The following PLBD2 variants were observed in gnomAD, a reference collection of about 807,000 sequenced individuals.
The protein encoded by PLBD2 is putative aminopeptidase PLBD2.
Under a neutral mutation model 68.3 loss-of-function variants are expected in PLBD2, and 51 were observed. That is an observed-to-expected ratio of 0.75 (90% confidence interval 0.60 to 0.94). The LOEUF (loss-of-function observed/expected upper bound fraction) is 0.94, where lower values mean the gene tolerates loss of function less well. Among genes scored for constraint, PLBD2 ranks in the 40% least tolerant of loss-of-function variants. The probability of loss-of-function intolerance (pLI) is 0.00; values close to 1 mark genes in which losing one functional copy is unlikely to be tolerated. For missense variants in PLBD2, 729 were observed against 792.2 expected (o/e 0.92, Z 0.96); for synonymous variants, 314 against 339.3 (o/e 0.93, Z 0.82).
intron 6 of PLBD2, among the ~76,000 whole-genome samples, 176 bp downstream of exon 6, chr12:113,381,018 C>G (rs1240249236): frequency 6.6e-6 from 1 of 152,132 alleles, no homozygotes; most frequent in Non-Finnish European, 1.5e-5. Flanking sequence ...ACCTGCCATT[C>G]AGAGCCCAGA....
In PLBD2 at chr12:113,380,783, T is replaced by G. The variant is rs76893194; in HGVS notation, c.898T>G (p.Ser300Ala). ...GGTTCCCGGCAACAAGCTGGTCTTC[T>G]CCTCCTACCCCGGCACCATCTTCTC... ...PLVPGNKLVF[S>A]SYPGTIFSCD... The change falls in exon 6 of 12, where the codon TCC (serine) becomes GCC (alanine). Residue 300 changes from serine to alanine, a missense_variant. Physicochemically the swap from Ser to Ala is moderately conservative, Grantham distance 99 (BLOSUM62 1). Transcript: ENST00000280800. 123 of 1,555,560 alleles carry G rather than the reference T, an allele frequency of 7.9e-5. 1 individual carries two copies. The East Asian group carries it at 2.9e-3, about 37-fold the overall frequency.
intron 5 of PLBD2, among the ~76,000 whole-genome samples, chr12:113,380,016 C>G (rs969877229): frequency 1.4e-4 from 21 of 152,160 alleles, no homozygotes; most frequent in African/African-American, 4.8e-4. Context: ...TATACATATC[C>G]TCCCATATCC....
rs1392526338 is a variant in PLBD2 at position 113,375,020 on chromosome 12, G to C, written c.859+13G>C. On this transcript the variant is annotated intron_variant, in intron 5 of 11. Coordinates refer to ENST00000280800, the MANE Select transcript of PLBD2 (RefSeq NM_173542.4). ...GAAGGCCCCTGGGGTAGGTGGGTGT[G>C]GGTGTGTCTGGGGGATGAGCAGGTG... 2 of 1,613,010 alleles carry C rather than the reference G, an allele frequency of 1.2e-6. No individual in the cohort carries two copies. The highest frequency in any genetic ancestry group is 1.7e-6 in the Non-Finnish European group (2 of 1,179,352).
At chr12:113,366,176 C>T (rs974718226) in intron 1 of PLBD2, among the ~76,000 whole-genome samples, 5 of 152,126 alleles carry the variant, frequency 3.3e-5, no homozygotes, top group Admixed American at 6.5e-5. Flanking sequence ...TGGAAGTGTT[C>T]GATGGCTTTT....
rs191090704 is a variant in PLBD2, at chr12:113,386,770, C to T, written c.1287-167C>T. Among the ~76,000 whole-genome samples the T allele has an allele frequency of 1.5e-4, 23 of 152,308 alleles. No homozygotes were observed. In the South Asian group the frequency reaches 2.7e-3, roughly 18 times the overall value. The stretch of plus-strand genomic sequence containing the variant: ...CTGAGCTCAGGTGATCTGCCCGCCT[C>T]GGCCTCCCAAAGTATTGGGATTACA... On this transcript the variant is annotated intron_variant, in intron 9 of 11. Transcript: ENST00000280800.
intron 1 of PLBD2, among the ~76,000 whole-genome samples, chr12:113,362,457 GC>G (rs967732742): frequency 4.6e-5 from 7 of 151,980 alleles, no homozygotes; most frequent in African/African-American, 1.4e-4. Context: ...GATATTTGTG[GC>G]CCCCTGCTCA....
intron 8 of PLBD2, 121 bp downstream of exon 8, chr12:113,385,067 A>G: frequency 7.7e-7 from 1 of 1,304,840 alleles, no homozygotes; most frequent in Non-Finnish European, 1.1e-6. Context: ...TGGCTGGAAG[A>G]GAAGGTGTCC....
At chr12:113,366,605 T>A (rs1565858555) in intron 1 of PLBD2, among the ~76,000 whole-genome samples, 2 of 151,296 alleles carry the variant, frequency 1.3e-5, no homozygotes, top group Admixed American at 6.6e-5. Flanking sequence ...ACCTCTTGAG[T>A]AGCTGGGACT....
intron 5 of PLBD2, chr12:113,377,033 A>C (rs1452606954): frequency 6.6e-6 from 1 of 152,164 alleles, no homozygotes; most frequent in Non-Finnish European, 1.5e-5. Context: ...ATGCGTTGGC[A>C]CAGCTACTTT....
At chr12:113,385,036 G>A (rs1957537001) in intron 8 of PLBD2, 90 bp downstream of exon 8, 1 of 1,388,848 alleles carries the variant, frequency 7.2e-7, no homozygotes, top group Non-Finnish European at 1.0e-6. Flanking sequence ...TGTGCAGGAA[G>A]TGAACGATCT....
chr12:113,379,021 A>G (rs1047193821), intron 5 of PLBD2, among the ~76,000 whole-genome samples: 2 of 152,060 alleles, frequency 1.3e-5, no homozygotes, highest in African/African-American at 4.8e-5. Context: ...TGGAAGAGAT[A>G]ATTCAGGCCA....
intron 10 of PLBD2, among the ~76,000 whole-genome samples, chr12:113,387,384 G>T: frequency 6.6e-6 from 1 of 152,198 alleles, no homozygotes; most frequent in East Asian, 1.9e-4. Context: ...CCACTGTCCT[G>T]TCTCTTGGGC....
chr12:113,381,529 G>T (rs1250462257), intron 6 of PLBD2, among the ~76,000 whole-genome samples: 1 of 152,184 alleles, frequency 6.6e-6, no homozygotes, highest in Admixed American at 6.5e-5. Context: ...GGGACGGGAG[G>T]GGTGGGGACT....
In PLBD2 at chr12:113,379,507, A is replaced by C. The variant is rs112072938; in HGVS notation, c.860-1238A>C. 3.6e-4 allele frequency among the ~76,000 whole-genome samples: 55 copies of C among 152,252 alleles called. 1 individual carries two copies. Among genetic ancestry groups the C allele is most frequent in the African/African-American group, 1.3e-3 (55 of 41,556 alleles). ...AGATGATAATTCTCTGCCCCCATGC[A>C]GGGCGGGTATAAGGAGTCAATTTAC... On this transcript the variant is annotated intron_variant, in intron 5 of 11. Coordinates refer to ENST00000280800, the MANE Select transcript of PLBD2 (RefSeq NM_173542.4).
Position 113,384,977 on chromosome 12 carries a change from T to A in PLBD2, c.1214+31T>A. The A allele has an allele frequency of 6.6e-7, 1 of 1,506,614 alleles. No homozygotes were observed. The allele number at this position is 1,506,614 out of a possible 1,614,324, so 93.3% of individuals were successfully genotyped here. A position where few individuals can be genotyped will look rare whatever the true frequency, so the allele number is the denominator to read the frequency against. ...TACCCTGGGAGGGAGGGGTGGGGGC[T>A]CGGGGCAGAGGGGACTGCCAGGGTG... is the stretch of plus-strand genomic sequence containing the variant. On this transcript the variant is annotated intron_variant, in intron 8 of 11. Transcript: ENST00000280800. The surrounding 1 kb of genome is among the most constrained non-coding windows in gnomAD (Gnocchi z 4.2).
Position 113,387,028 on chromosome 12 carries a change from C to T in PLBD2, c.1378C>T (p.Gln460Ter). 6.2e-7 allele frequency: 1 copy of T among 1,612,118 alleles called. No individual in the cohort carries two copies. The highest frequency in any genetic ancestry group is 8.5e-7 in the Non-Finnish European group (1 of 1,179,232). Residue 460 changes from glutamine to a stop codon, truncating the protein, a stop_gained, in exon 10 of 12, where the codon CAG (glutamine) becomes TAG (stop). Transcript: ENST00000280800. LOFTEE classifies it high-confidence loss of function. ...TTCTTATGACGGGAGCCCCCGGGCCCAGATCTTCCGGCGGAACCAGTCACT... is the reference window on the plus strand; with the variant it reads ...TTCTTATGACGGGAGCCCCCGGGCCTAGATCTTCCGGCGGAACCAGTCACT... ...WFSYDGSPRA[Q>*]IFRRNQSLVQ...
intron 1 of PLBD2, among the ~76,000 whole-genome samples, chr12:113,366,719 G>A (rs1957345039): frequency 6.6e-6 from 1 of 151,888 alleles, no homozygotes; most frequent in African/African-American, 2.4e-5. Flanking sequence ...TGATGCTCCT[G>A]CCTTAGCCTC....
Position 113,384,873 on chromosome 12 carries a change from G to T in PLBD2, c.1141G>T (p.Val381Leu). 6.2e-7 allele frequency: 1 copy of T among 1,613,948 alleles called. No individual in the cohort carries two copies. Among genetic ancestry groups the T allele is most frequent in the Non-Finnish European group, 8.5e-7 (1 of 1,179,966 alleles). ...CAGGTATAACAACCAGTGGATGATC[G>T]TGGACTACAAGGCGTTCATCCCGGG... Reference protein sequence around the residue: ...SGTYNNQWMIVDYKAFIPGGP... With the variant: ...SGTYNNQWMILDYKAFIPGGP... Residue 381 changes from valine to leucine, a missense_variant, in exon 8 of 12, where the codon GTG (valine) becomes TTG (leucine). Physicochemically the swap from Val to Leu is conservative, Grantham distance 32 (BLOSUM62 1). Coordinates refer to ENST00000280800, the MANE Select transcript of PLBD2 (RefSeq NM_173542.4). This position sits in a 1 kb window ranked among gnomAD's most constrained non-coding sequence, Gnocchi z 4.2.
At chr12:113,377,184 G>T (rs1379427186) in intron 5 of PLBD2, 1 of 152,224 alleles carries the variant, frequency 6.6e-6, no homozygotes, top group Non-Finnish European at 1.5e-5. Context: ...TGCTATCACA[G>T]TGGTTTGGTG....
Sources: gnomAD v4.1 joint callset for allele counts (sites outside exome capture counted in the v4.1 genomes callset) on GRCh38, gnomAD v4.1.1 for gene constraint, Gnocchi (gnomAD v3.1) non-coding constraint, MANE v1.5 for transcripts, NCBI Gene and HGNC (gene_info 2026-07-23, HGNC 2026-07-21) for gene names.